AGPAT5: variants seen among roughly 807,000 people sequenced by gnomAD.
AGPAT5 encodes 1-acyl-sn-glycerol-3-phosphate acyltransferase epsilon.
Under a neutral mutation model 45.6 loss-of-function variants are expected in AGPAT5, and 46 were observed. The ratio of observed to expected loss-of-function variants is 1.01; its 90% confidence interval spans 0.80 to 1.29. The LOEUF is 1.29. AGPAT5 is among the 50% of genes most tolerant of loss of function. The probability of loss-of-function intolerance (pLI) is 0.00; values close to 1 mark genes in which losing one functional copy is unlikely to be tolerated. For synonymous variants in AGPAT5, 272 were observed against 167.0 expected (o/e 1.63, Z -4.85); for missense variants, 673 against 450.7 (o/e 1.49, Z -4.47).
At position 6,747,847 on chromosome 8, in the gene AGPAT5, C is replaced by G; in HGVS notation, c.745+19C>G. The G allele has an allele frequency of 6.2e-7, 1 of 1,612,582 alleles. No individual in the cohort carries two copies. Among genetic ancestry groups the G allele is most frequent in the East Asian group, 2.2e-5 (1 of 44,860 alleles). ...ATGACGGGTAAGTGTGTTCACGCAC[C>G]TGAAATGCCTGTACACGGTATATAC... On this transcript the variant is annotated intron_variant, in intron 6 of 7. Coordinates refer to ENST00000285518, the MANE Select transcript of AGPAT5 (RefSeq NM_018361.5).
At chr8:6,726,173 C>G (rs1196446222) in intron 2 of AGPAT5, among the ~76,000 whole-genome samples, 1 of 152,198 alleles carries the variant, frequency 6.6e-6, no homozygotes, top group Non-Finnish European at 1.5e-5. Context: ...CTGCTGAGAA[C>G]TCTGGCCTGT....
chr8:6,721,657 T>A (rs533801515), intron 1 of AGPAT5, among the ~76,000 whole-genome samples: 8 of 152,196 alleles, frequency 5.3e-5, no homozygotes, highest in African/African-American at 1.9e-4. Flanking sequence ...CAAGTCTTAA[T>A]TGAAGTCCAT....
rs142785026 is a variant in AGPAT5 at position 6,726,153 on chromosome 8, A to G, written c.289+1214A>G. 1.5e-3 allele frequency among the ~76,000 whole-genome samples: 228 copies of G among 152,290 alleles called. 2 individuals carry two copies. The highest frequency in any genetic ancestry group is 6.8e-3 in the Middle Eastern group (2 of 294). The stretch of plus-strand genomic sequence containing the variant: ...GCAAAAATAGCAAAACAGTCAACCA[A>G]TGGTCAATGCTGCTGAGAACTCTGG... On this transcript the variant is annotated intron_variant, in intron 2 of 7. Transcript: ENST00000285518.
intron 5 of AGPAT5, among the ~76,000 whole-genome samples, chr8:6,744,597 C>T (rs1013578284): frequency 6.6e-6 from 1 of 152,084 alleles, no homozygotes; most frequent in Non-Finnish European, 1.5e-5. Flanking sequence ...GTGCTTGGTT[C>T]GAGGTCCTGT....
intron 4 of AGPAT5, among the ~76,000 whole-genome samples, chr8:6,738,729 T>G (rs1256929768): frequency 6.6e-6 from 1 of 152,238 alleles, no homozygotes; most frequent in African/African-American, 2.4e-5. Flanking sequence ...CATCTGTTAC[T>G]TACCTTTTCC....
intron 4 of AGPAT5, among the ~76,000 whole-genome samples, chr8:6,734,546 C>T (rs948647259): frequency 6.6e-6 from 1 of 152,156 alleles, no homozygotes; most frequent in Non-Finnish European, 1.5e-5. Flanking sequence ...ATTATACTTG[C>T]AGTTCTCTTA....
At chr8:6,736,289 C>G (rs754679205) in intron 4 of AGPAT5, among the ~76,000 whole-genome samples, 1 of 152,242 alleles carries the variant, frequency 6.6e-6, no homozygotes, top group Non-Finnish European at 1.5e-5. Context: ...AGGTTTTCCA[C>G]TAATGTCCTT....
At chr8:6,722,425 A>G (rs1203166936) in intron 1 of AGPAT5, among the ~76,000 whole-genome samples, 1 of 152,238 alleles carries the variant, frequency 6.6e-6, no homozygotes, top group African/African-American at 2.4e-5. Context: ...ATGTTTCAAG[A>G]TTTGCATGTG....
chr8:6,748,128 G>T (rs886912924), intron 6 of AGPAT5, among the ~76,000 whole-genome samples: 6 of 152,132 alleles, frequency 3.9e-5, no homozygotes, highest in African/African-American at 1.4e-4. Context: ...AAGACGTGAA[G>T]AAGGAGCACG....
At position 6,747,930 on chromosome 8, in the gene AGPAT5, C is replaced by G. The variant is rs184439938; in HGVS notation, c.745+102C>G. Reference sequence around the variant, plus strand: ...AAAGTAGGTTAAGTGTACTTTTTTCCTTCATTACATTTACCCGGTATATTT... The same window carrying G: ...AAAGTAGGTTAAGTGTACTTTTTTCGTTCATTACATTTACCCGGTATATTT... On this transcript the variant is annotated intron_variant, in intron 6 of 7. Transcript: ENST00000285518. 8.0e-5 allele frequency: 99 copies of G among 1,230,260 alleles called. 1 individual carries two copies. The East Asian group carries it at 2.0e-3, about 25-fold the overall frequency. 76.2% of individuals were successfully genotyped at this position (1,230,260 alleles called of 1,614,324 possible).
intron 3 of AGPAT5, among the ~76,000 whole-genome samples, chr8:6,731,663 C>G (rs540082940): frequency 6.6e-5 from 10 of 151,134 alleles, no homozygotes; most frequent in Non-Finnish European, 1.3e-4. Flanking sequence ...AAAGTTCAAA[C>G]AAATAGGAAA....
In AGPAT5 at chr8:6,747,706, T is replaced by C. The variant is rs1801522447; in HGVS notation, c.623T>C (p.Ile208Thr). 3 of 1,614,220 alleles carry C rather than the reference T, an allele frequency of 1.9e-6. No homozygotes were observed. The highest frequency in any genetic ancestry group is 2.5e-6 in the Non-Finnish European group (3 of 1,180,018). The change falls in exon 6 of 8, where the codon ATA becomes ACA. Residue 208 changes from isoleucine to threonine, a missense_variant. Transcript: ENST00000285518. ...TTAAAACATGTGCTAACACCACGAATAAAGGCAACTCACGTTGCTTTTGAT... is the reference window on the plus strand; with the variant it reads ...TTAAAACATGTGCTAACACCACGAACAAAGGCAACTCACGTTGCTTTTGAT... ...AVLKHVLTPR[I>T]KATHVAFDCM... is the part of the protein sequence containing the mutation.
chr8:6,712,679 C>G (rs916944289), intron 1 of AGPAT5, among the ~76,000 whole-genome samples: 1 of 152,132 alleles, frequency 6.6e-6, no homozygotes. Context: ...ACCTTAAATT[C>G]TATCATCGTG....
At position 6,759,694 on chromosome 8, in the gene AGPAT5, C is replaced by G. The variant is rs757867889; in HGVS notation, c.*2306C>G. The G allele has an allele frequency of 5.3e-5, 8 of 151,932 alleles. No individual in the cohort carries two copies. The highest frequency in any genetic ancestry group is 1.2e-4 in the Non-Finnish European group (8 of 68,006). The allele number at this position is 151,932 out of a possible 1,614,324, so 9.4% of individuals were successfully genotyped here. A position where few individuals can be genotyped will look rare whatever the true frequency, so the allele number is the denominator to read the frequency against. ...CTGTGCTGTTTAACATTTTTTGACC[C>G]TAAAATTCACCAACAGTCTCCCAGT... On this transcript the variant is annotated 3_prime_UTR_variant, in exon 8 of 8. Coordinates refer to ENST00000285518, the MANE Select transcript of AGPAT5 (RefSeq NM_018361.5).
At chr8:6,731,236 T>G (rs1207106888) in intron 3 of AGPAT5, among the ~76,000 whole-genome samples, 1 of 152,194 alleles carries the variant, frequency 6.6e-6, no homozygotes, top group African/African-American at 2.4e-5. Context: ...GGTTTAATAG[T>G]TTATTCTCAG....
At chr8:6,737,983 A>G (rs1035449435) in intron 4 of AGPAT5, among the ~76,000 whole-genome samples, 4 of 152,192 alleles carry the variant, frequency 2.6e-5, no homozygotes, top group Non-Finnish European at 5.9e-5. Context: ...ATTTGCTTTA[A>G]GGGAGTGTTG....
chr8:6,747,103 C>A (rs990928082), intron 5 of AGPAT5, among the ~76,000 whole-genome samples: 6 of 152,152 alleles, frequency 3.9e-5, no homozygotes, highest in Non-Finnish European at 7.4e-5. Flanking sequence ...TCATAATAGC[C>A]AAAGTATGGA....
chr8:6,726,554 G>A (rs531290110), intron 2 of AGPAT5, among the ~76,000 whole-genome samples: 2 of 152,228 alleles, frequency 1.3e-5, no homozygotes, highest in African/African-American at 4.8e-5. Context: ...CACTAGTACT[G>A]TTAATTTGTG....
rs553570986 is a variant in AGPAT5 at position 6,721,664 on chromosome 8, C to G, written c.220-3206C>G. ...TTCAAATTCAAGTCTTAATTGAAGT[C>G]CATTACTTTAGAACCTACCTCTTAG... is the stretch of plus-strand genomic sequence containing the variant. On this transcript the variant is annotated intron_variant, in intron 1 of 7. Transcript: ENST00000285518. Among the ~76,000 whole-genome samples, 58 of 152,230 alleles carry G rather than the reference C, an allele frequency of 3.8e-4. 1 individual carries two copies. The highest frequency in any genetic ancestry group is 1.2e-3 in the African/African-American group (48 of 41,520).
Sources: gnomAD v4.1 joint callset for allele counts (sites outside exome capture counted in the v4.1 genomes callset) on GRCh38, gnomAD v4.1.1 for gene constraint, MANE v1.5 for transcripts, NCBI Gene and HGNC (gene_info 2026-07-23, HGNC 2026-07-21) for gene names.